LRBA: variants seen among roughly 807,000 people sequenced by gnomAD.
LRBA encodes the protein lipopolysaccharide-responsive and beige-like anchor protein.
LRBA carries 176 observed loss-of-function variants against 330.0 expected under a neutral mutation model. The observed-to-expected ratio is 0.53, with a 90% confidence interval of 0.47 to 0.60. LRBA has a LOEUF of 0.60. Among genes scored for constraint, LRBA ranks in the 20% least tolerant of loss-of-function variants. The pLI is 0.00. For missense variants in LRBA, 3,259 were observed against 3,444.8 expected (o/e 0.95, Z 1.35); for synonymous variants, 1,230 against 1,193.0 (o/e 1.03, Z -0.64).
At chr4:150,867,326 C>T (rs935147488) in intron 22 of LRBA, among the ~76,000 whole-genome samples, 4 of 151,966 alleles carry the variant, frequency 2.6e-5, no homozygotes, top group Non-Finnish European at 5.9e-5. Flanking sequence ...GTAAACAGGG[C>T]TTCCTCGAAA....
chr4:150,693,618 ATACT>A (rs1374900134), intron 36 of LRBA, among the ~76,000 whole-genome samples: 1 of 151,546 alleles, frequency 6.6e-6, no homozygotes, highest in Non-Finnish European at 1.5e-5. Flanking sequence ...TAAAAGAAAC[ATACT>A]TAAGTTTTGA....
chr4:150,926,372 G>A (rs1210928068), intron 4 of LRBA, among the ~76,000 whole-genome samples: 3 of 152,070 alleles, frequency 2.0e-5, no homozygotes, highest in Non-Finnish European at 1.5e-5. Context: ...TAAGAGACAC[G>A]CCTGAATAGT....
At chr4:150,770,877 G>T (rs1414102400) in intron 34 of LRBA, among the ~76,000 whole-genome samples, 1 of 152,096 alleles carries the variant, frequency 6.6e-6, no homozygotes, top group Admixed American at 6.6e-5. Context: ...ACACAGTATG[G>T]TAATACTAAG....
rs180985229 is a variant in LRBA at position 150,690,327 on chromosome 4, C to T, written c.5755-6610G>A. On this transcript the variant is annotated intron_variant, in intron 36 of 56. Coordinates refer to ENST00000651943, the MANE Select transcript of LRBA (RefSeq NM_001364905.1). ...GACCACCCTAGAAAACAAGGTGAAA[C>T]CCCATCTCTACTAAAATACAAAAAA... Among the ~76,000 whole-genome samples, 4 of 151,946 alleles carry T rather than the reference C, an allele frequency of 2.6e-5. No homozygotes were observed. The East Asian group carries it at 7.7e-4, about 29-fold the overall frequency.
At chr4:150,775,475 AC>A (rs1250045512) in intron 34 of LRBA, among the ~76,000 whole-genome samples, 3 of 151,148 alleles carry the variant, frequency 2.0e-5, no homozygotes, top group African/African-American at 4.9e-5. Flanking sequence ...ACACACACAC[AC>A]ACACACACAC....
At chr4:150,294,096 G>A (rs1026724964) in intron 53 of LRBA, among the ~76,000 whole-genome samples, 3 of 152,180 alleles carry the variant, frequency 2.0e-5, no homozygotes, top group Admixed American at 6.5e-5. Flanking sequence ...TGACGGTGTG[G>A]GGGGTTGGCA....
At chr4:150,882,524 A>C (rs998579845) in intron 17 of LRBA, among the ~76,000 whole-genome samples, 1 of 152,216 alleles carries the variant, frequency 6.6e-6, no homozygotes, top group Non-Finnish European at 1.5e-5. Flanking sequence ...TAACCCATGA[A>C]GAACAATATT....
At chr4:150,984,445 G>GT (rs1407720403) in intron 2 of LRBA, among the ~76,000 whole-genome samples, 1 of 152,038 alleles carries the variant, frequency 6.6e-6, no homozygotes, top group Non-Finnish European at 1.5e-5. Flanking sequence ...GAAGGCGGAG[G>GT]TTGTGGTGAG....
At chr4:150,701,249 C>G (rs1361374594) in intron 36 of LRBA, among the ~76,000 whole-genome samples, 5 of 152,114 alleles carry the variant, frequency 3.3e-5, no homozygotes, top group African/African-American at 9.7e-5. Flanking sequence ...ATGACAATGC[C>G]TTCTTCTGGA....
At chr4:150,853,353 G>A (rs1280379273) in intron 22 of LRBA, among the ~76,000 whole-genome samples, 2 of 152,112 alleles carry the variant, frequency 1.3e-5, no homozygotes, top group African/African-American at 2.4e-5. Flanking sequence ...TTGTCCGCAG[G>A]AGAGATTAAA....
chr4:150,719,667 T>C (rs1453164242), intron 36 of LRBA, among the ~76,000 whole-genome samples: 2 of 152,040 alleles, frequency 1.3e-5, no homozygotes, highest in African/African-American at 4.8e-5. Flanking sequence ...CAAAGCAATA[T>C]TGGTAAGTTG....
intron 40 of LRBA, among the ~76,000 whole-genome samples, chr4:150,532,840 A>G (rs1764190577): frequency 6.6e-6 from 1 of 152,150 alleles, no homozygotes; most frequent in Non-Finnish European, 1.5e-5. Context: ...TGAAATTACA[A>G]AAGATTTTTA....
intron 47 of LRBA, among the ~76,000 whole-genome samples, chr4:150,399,102 C>A (rs1161465868): frequency 6.6e-6 from 1 of 152,122 alleles, no homozygotes; most frequent in Non-Finnish European, 1.5e-5. Flanking sequence ...TTGCTATGCA[C>A]ATATTTTCTG....
intron 47 of LRBA, among the ~76,000 whole-genome samples, chr4:150,413,970 C>T (rs1747374896): frequency 7.9e-6 from 1 of 126,100 alleles, no homozygotes. Context: ...CTCTCAATCA[C>T]AGAAACTTTG....
chr4:150,732,236 A>G (rs938659733), intron 36 of LRBA, among the ~76,000 whole-genome samples: 4 of 152,086 alleles, frequency 2.6e-5, no homozygotes, highest in African/African-American at 7.2e-5. Flanking sequence ...ACTGCAATAA[A>G]TAGCCATGTA....
At chr4:150,346,767 A>AAAAAAAAAAAAAAAAAAC (rs1736391193) in intron 48 of LRBA, among the ~76,000 whole-genome samples, 1 of 101,330 alleles carries the variant, frequency 9.9e-6, no homozygotes, top group African/African-American at 2.8e-5. Flanking sequence ...CAAAAAAAAA[A>AAAAAAAAAAAAAAAAAAC]AAAAAAAAAA....
At chr4:150,763,274 C>A (rs1031785458) in intron 34 of LRBA, among the ~76,000 whole-genome samples, 1 of 151,922 alleles carries the variant, frequency 6.6e-6, no homozygotes, top group Non-Finnish European at 1.5e-5. Flanking sequence ...AGAATATATC[C>A]TTAGGCATAT....
chr4:150,557,871 C>G (rs1261129038), intron 40 of LRBA, among the ~76,000 whole-genome samples: 1 of 152,016 alleles, frequency 6.6e-6, no homozygotes, highest in Non-Finnish European at 1.5e-5. Context: ...TTAGTTATTT[C>G]CTGCTGCTCT....
At chr4:150,366,823 C>G (rs1739529406) in intron 47 of LRBA, among the ~76,000 whole-genome samples, 1 of 152,126 alleles carries the variant, frequency 6.6e-6, no homozygotes, top group Non-Finnish European at 1.5e-5. Flanking sequence ...GATGGTCCTC[C>G]AGTAGAAAAA....
Sources: gnomAD v4.1 joint callset for allele counts (sites outside exome capture counted in the v4.1 genomes callset) on GRCh38, gnomAD v4.1.1 for gene constraint, MANE v1.5 for transcripts, NCBI Gene and HGNC (gene_info 2026-07-23, HGNC 2026-07-21) for gene names.